The following SVIL variants were observed in gnomAD, a reference collection of about 807,000 sequenced individuals.
SVIL encodes supervillin, also known as archvillin.
In SVIL, 101 loss-of-function variants were observed where a neutral mutation model predicts 240.4. The ratio of observed to expected loss-of-function variants is 0.42; its 90% CI spans 0.36 to 0.50. The LOEUF (loss-of-function observed/expected upper bound fraction) is 0.50. Ranked by LOEUF, SVIL falls within the 20% of genes least tolerant of loss-of-function variation. The probability of loss-of-function intolerance (pLI) is 0.01; values close to 1 mark genes in which losing one functional copy is unlikely to be tolerated. For missense variants in SVIL, 2,512 were observed against 2,818.7 expected, an observed-to-expected ratio of 0.89 and a Z score of 2.46; for synonymous variants, 999 against 1,100.0, an observed-to-expected ratio of 0.91 and a Z score of 1.82.
intron 1 of SVIL, among the ~76,000 whole-genome samples, chr10:29,717,370 A>C (rs1273536267): frequency 6.6e-6 from 1 of 151,900 alleles, no homozygotes; most frequent in East Asian, 1.9e-4. Flanking sequence ...TGACCTAGCT[A>C]GAGAGGCAGG....
intron 35 of SVIL, among the ~76,000 whole-genome samples, chr10:29,463,201 C>T (rs1156285924): frequency 6.6e-6 from 1 of 152,202 alleles, no homozygotes; most frequent in Non-Finnish European, 1.5e-5. Flanking sequence ...TTTAATCTGC[C>T]TGGGGCATTC....
intron 1 of SVIL, among the ~76,000 whole-genome samples, chr10:29,730,524 G>A (rs1964558256): frequency 6.6e-6 from 1 of 152,192 alleles, no homozygotes; most frequent in Non-Finnish European, 1.5e-5. Context: ...CGGGGTTCTT[G>A]AGCATCTCAA....
chr10:29,723,120 A>G (rs924895107), intron 1 of SVIL, among the ~76,000 whole-genome samples: 2 of 152,374 alleles, frequency 1.3e-5, no homozygotes, highest in African/African-American at 4.8e-5. Context: ...CTATAATCTC[A>G]ACACTTTGAA....
chr10:29,659,318 T>A (rs1432821614), intron 2 of SVIL, among the ~76,000 whole-genome samples: 2 of 152,146 alleles, frequency 1.3e-5, no homozygotes, highest in Non-Finnish European at 2.9e-5. Flanking sequence ...TGGGAAGTCT[T>A]TTGTCTTAGG....
rs147994855 is a variant in SVIL at position 29,712,195 on chromosome 10, G to T, written c.-400+23556C>A. On this transcript the variant is annotated intron_variant, in intron 1 of 35. Transcript: ENST00000375400. ...TTAACACTGCTCATTGGCTTGTGCTGCGGTTTGGATATTCGACCCTTTGGA... is the reference window on the plus strand; with the variant it reads ...TTAACACTGCTCATTGGCTTGTGCTTCGGTTTGGATATTCGACCCTTTGGA... 1.2e-4 allele frequency among the ~76,000 whole-genome samples: 19 copies of T among 152,268 alleles called. No individual in the cohort carries two copies. The East Asian group carries it at 3.7e-3, about 29-fold the overall frequency.
chr10:29,638,893 C>T (rs1958394379), upstream of SVIL, among the ~76,000 whole-genome samples: 2 of 152,138 alleles, frequency 1.3e-5, no homozygotes, highest in South Asian at 4.2e-4. Context: ...TAAAACCTGA[C>T]CAACTCTGGA....
chr10:29,547,510 G>C (rs917952826), intron 6 of SVIL, among the ~76,000 whole-genome samples: 17 of 152,052 alleles, frequency 1.1e-4, no homozygotes, highest in African/African-American at 4.1e-4. Context: ...AAAACTTCTA[G>C]GTAACATGCA....
At chr10:29,551,583 T>C (rs1304730716) in intron 5 of SVIL, among the ~76,000 whole-genome samples, 1 of 152,170 alleles carries the variant, frequency 6.6e-6, no homozygotes, top group Non-Finnish European at 1.5e-5. Context: ...CCTTACTGAT[T>C]TACCCTTTTT....
chr10:29,666,539 G>T (rs573352353), intron 2 of SVIL, among the ~76,000 whole-genome samples: 1 of 152,304 alleles, frequency 6.6e-6, no homozygotes, highest in East Asian at 1.9e-4. Context: ...CGACCCGTGA[G>T]CCTGGTACAC....
chr10:29,515,591 A>G (rs952117793), intron 16 of SVIL, among the ~76,000 whole-genome samples: 6 of 152,228 alleles, frequency 3.9e-5, no homozygotes, highest in African/African-American at 1.4e-4. Flanking sequence ...AACTGGCCTC[A>G]GAACCAGCTT....
Position 29,470,493 on chromosome 10 carries a change from G to T in SVIL, c.5636-10C>A, listed in dbSNP as rs1945436878. 1.2e-6 allele frequency: 2 copies of T among 1,613,760 alleles called. No individual in the cohort carries two copies. Among genetic ancestry groups the T allele is most frequent in the African/African-American group, 1.3e-5 (1 of 74,936 alleles). On this transcript the variant is annotated splice_polypyrimidine_tract_variant and intron_variant, in intron 31 of 37. Coordinates refer to ENST00000355867, the MANE Select transcript of SVIL (RefSeq NM_021738.3). The stretch of plus-strand genomic sequence containing the variant: ...TACAGCCGCCACTCACCTGCAGGGG[G>T]CACCGGCGGCGCGGAGGAGTTAGCA...
intron 2 of SVIL, among the ~76,000 whole-genome samples, chr10:29,670,542 AC>A (rs1390280663): frequency 1.3e-5 from 2 of 152,260 alleles, no homozygotes; most frequent in Non-Finnish European, 2.9e-5. Context: ...TAATTGGTCT[AC>A]ATGTTAAAGT....
At position 29,524,828 on chromosome 10, in the gene SVIL, T is replaced by C. The variant is rs147724670; in HGVS notation, c.2343-113A>G. The C allele has an allele frequency of 5.7e-4, 863 of 1,525,854 alleles. 4 individuals are homozygous for C. The highest frequency in any genetic ancestry group is 5.1e-3 in the Middle Eastern group (29 of 5,696). 94.5% of individuals were successfully genotyped at this position (1,525,854 alleles called of 1,614,324 possible). ...CATCATTTTGCAAAGGGCTTCTTTT[T>C]CCCTAAGCACGTCTAGGACAGAGGC... On this transcript the variant is annotated intron_variant, in intron 13 of 37. Coordinates refer to ENST00000355867, the MANE Select transcript of SVIL (RefSeq NM_021738.3).
intron 22 of SVIL, among the ~76,000 whole-genome samples, chr10:29,490,603 AC>A: frequency 6.8e-6 from 1 of 146,280 alleles, no homozygotes; most frequent in South Asian, 2.1e-4. Flanking sequence ...AAAAAAAAAA[AC>A]CAAACCCCAG....
intron 1 of SVIL, among the ~76,000 whole-genome samples, chr10:29,631,792 A>G (rs1156612603): frequency 1.3e-5 from 2 of 152,118 alleles, no homozygotes; most frequent in Admixed American, 1.3e-4. Context: ...TAAAAAATAA[A>G]AAAGATGGCG....
intron 3 of SVIL, among the ~76,000 whole-genome samples, chr10:29,555,798 C>T (rs1364619541): frequency 6.6e-6 from 1 of 152,032 alleles, no homozygotes; most frequent in African/African-American, 2.4e-5. Context: ...GTGAACCCCA[C>T]AGGGCCATCG....
At chr10:29,668,918 G>GT (rs1350091610) in intron 2 of SVIL, among the ~76,000 whole-genome samples, 1 of 152,158 alleles carries the variant, frequency 6.6e-6, no homozygotes, top group Non-Finnish European at 1.5e-5. Context: ...AAGGATTCCA[G>GT]TTTTTTTCTA....
intron 36 of SVIL, 160 bp from the exon 37 acceptor site, chr10:29,458,749 C>G (rs961085925): frequency 1.5e-6 from 1 of 658,480 alleles, no homozygotes; most frequent in Admixed American, 3.6e-5. Context: ...GAAAAGGGAT[C>G]GCCCAAAGCC....
At chr10:29,595,656 C>T (rs1443885498) in intron 1 of SVIL, among the ~76,000 whole-genome samples, 2 of 152,190 alleles carry the variant, frequency 1.3e-5, no homozygotes, top group African/African-American at 4.8e-5. Context: ...GACAAAAATA[C>T]ATATGGCCCA....
Sources: gnomAD v4.1 joint callset for allele counts (sites outside exome capture counted in the v4.1 genomes callset) on GRCh38, gnomAD v4.1.1 for gene constraint, MANE v1.5 for transcripts, NCBI Gene and HGNC (gene_info 2026-07-23, HGNC 2026-07-21) for gene names.